The following DDHD1 variants were observed in gnomAD, a reference collection of about 807,000 sequenced individuals.
The protein encoded by DDHD1 is phospholipase DDHD1.
DDHD1 carries 49 observed loss-of-function variants against 96.4 expected under a neutral mutation model. That is an observed-to-expected ratio of 0.51 (90% confidence interval 0.40 to 0.64). DDHD1 has a LOEUF of 0.64. Among genes scored for constraint, DDHD1 ranks in the 30% least tolerant of loss-of-function variants. DDHD1 has a pLI of 0.00. For synonymous variants in DDHD1, 442 were observed against 446.5 expected, an observed-to-expected ratio of 0.99 and a Z score of 0.13; for missense variants, 1,106 against 1,161.2, an observed-to-expected ratio of 0.95 and a Z score of 0.69.
chr14:53,047,644 G>A (rs533450132), intron 12 of DDHD1, among the ~76,000 whole-genome samples: 8 of 152,244 alleles, frequency 5.3e-5, no homozygotes, highest in South Asian at 2.1e-4. Flanking sequence ...ATTCTTGGGA[G>A]GAAGGACTTT....
intron 2 of DDHD1, chr14:53,102,975 A>C: frequency 6.5e-7 from 1 of 1,527,564 alleles, no homozygotes; most frequent in Non-Finnish European, 8.8e-7. Flanking sequence ...ACGGTTTTAG[A>C]AGAAAAACTT....
Position 53,153,233 on chromosome 14 carries a change from A to T in DDHD1, c.-135T>A, listed in dbSNP as rs932356468. The T allele has an allele frequency of 6.5e-6, 5 of 774,618 alleles. No individual in the cohort carries two copies. Among genetic ancestry groups the T allele is most frequent in the Non-Finnish European group, 7.3e-6 (4 of 550,306 alleles). 48.0% of individuals were successfully genotyped at this position (774,618 alleles called of 1,614,324 possible). ...AAATCCCGACCCGAGCTGCGGCGGC[A>T]GCGGCGACCGCTCCGCCCCCACGAG... On this transcript the variant is annotated 5_prime_UTR_variant, in exon 1 of 13. Coordinates refer to ENST00000673822, the MANE Select transcript of DDHD1 (RefSeq NM_001160148.2).
In DDHD1 at chr14:53,133,659, T is replaced by C. The variant is rs182241057; in HGVS notation, c.838+18602A>G. ...TCGGGATGCTACAGGGTACAGCCCA[T>C]TTGAGCTCCTGTATGGACGCTCTTT... On this transcript the variant is annotated intron_variant, in intron 1 of 12. Transcript: ENST00000673822. Among the ~76,000 whole-genome samples the C allele has an allele frequency of 2.6e-5, 4 of 152,304 alleles. No individual in the cohort carries two copies. In the East Asian group the frequency reaches 7.7e-4, roughly 29 times the overall value.
intron 6 of DDHD1, among the ~76,000 whole-genome samples, chr14:53,069,303 T>G (rs1329282658): frequency 3.9e-5 from 6 of 152,192 alleles, no homozygotes; most frequent in Non-Finnish European, 8.8e-5. Flanking sequence ...TATTGGCCAC[T>G]TTAATGGACA....
intron 6 of DDHD1, among the ~76,000 whole-genome samples, chr14:53,070,266 TTTTC>T (rs1352050277): frequency 6.6e-6 from 1 of 152,194 alleles, no homozygotes. Flanking sequence ...TAATTCATTA[TTTTC>T]TTTATGTTCT....
intron 1 of DDHD1, among the ~76,000 whole-genome samples, chr14:53,125,234 ATCTCAAT>A (rs557916819): frequency 6.6e-6 from 1 of 152,320 alleles, no homozygotes; most frequent in Admixed American, 6.5e-5. Context: ...AATTCTTTGC[ATCTCAAT>A]TTGGAGAAGA....
intron 1 of DDHD1, among the ~76,000 whole-genome samples, chr14:53,126,565 A>T (rs187249841): frequency 1.6e-4 from 24 of 152,230 alleles, no homozygotes; most frequent in Non-Finnish European, 3.4e-4. Flanking sequence ...ATGGGGTTTC[A>T]TCATGTTATC....
Position 53,037,821 on chromosome 14 carries a change from G to A in DDHD1, c.*8947C>T, listed in dbSNP as rs1881371345. ...TTTGCCAAGGCTGATGTTGATAAGG[G>A]TATTTCCTAGGTTTTCTTCTAGGAT... On this transcript the variant is annotated 3_prime_UTR_variant, in exon 13 of 13. Transcript: ENST00000673822. 1 of 152,068 alleles carries A rather than the reference G, an allele frequency of 6.6e-6. No homozygotes were observed. The highest frequency in any genetic ancestry group is 2.1e-4 in the South Asian group (1 of 4,830). The allele number at this position is 152,068 out of a possible 1,614,324, so 9.4% of individuals were successfully genotyped here. A position where few individuals can be genotyped will look rare whatever the true frequency, so the allele number is the denominator to read the frequency against.
chr14:53,045,772 AT>A lies in DDHD1; in HGVS notation c.*995del, dbSNP rs939294580. On this transcript the variant is annotated 3_prime_UTR_variant, in exon 13 of 13. Transcript: ENST00000673822. ...CTGACTTACTGTGCCTTGTGTCTCA[AT>A]GGCACATTGAGAAACAATGTGCACT... is the stretch of plus-strand genomic sequence containing the variant. 1.3e-5 allele frequency: 2 copies of A among 152,314 alleles called. No homozygotes were observed. The highest frequency in any genetic ancestry group is 4.8e-5 in the African/African-American group (2 of 41,580). 9.4% of individuals were successfully genotyped at this position (152,314 alleles called of 1,614,324 possible).
intron 2 of DDHD1, among the ~76,000 whole-genome samples, chr14:53,096,482 TAGAA>T (rs2139693063): frequency 6.6e-6 from 1 of 152,184 alleles, no homozygotes; most frequent in Admixed American, 6.5e-5. Context: ...TGTCTTTGCA[TAGAA>T]AGAATTTTTA....
chr14:53,095,267 C>T (rs998611170), intron 2 of DDHD1, among the ~76,000 whole-genome samples: 8 of 152,114 alleles, frequency 5.3e-5, no homozygotes, highest in African/African-American at 1.9e-4. Flanking sequence ...AATATTATCT[C>T]CCATTTTACT....
At chr14:53,124,483 G>T (rs1323139940) in intron 1 of DDHD1, among the ~76,000 whole-genome samples, 1 of 152,050 alleles carries the variant, frequency 6.6e-6, no homozygotes, top group Non-Finnish European at 1.5e-5. Context: ...CAATTATATA[G>T]AATTTTATCT....
At position 53,093,392 on chromosome 14, in the gene DDHD1, A is replaced by G; in HGVS notation, c.1065T>C (p.Asp355=). The change falls in exon 3 of 13, where the codon GAT becomes GAC. Residue 355 remains aspartate, a synonymous_variant. Transcript: ENST00000673822. The part of the protein sequence containing the change: ...SRNHVDWHSV[D]EVYLYSDATT... ...TTGCATCACTATAAAGATATACTTCATCCACACTGTGCCAGTCCACATGGT... is the reference window on the plus strand; with the variant it reads ...TTGCATCACTATAAAGATATACTTCGTCCACACTGTGCCAGTCCACATGGT... 1 of 1,613,214 alleles carries G rather than the reference A, an allele frequency of 6.2e-7. No homozygotes were observed. Among genetic ancestry groups the G allele is most frequent in the Non-Finnish European group, 8.5e-7 (1 of 1,179,704 alleles).
At chr14:53,082,421 G>C (rs528507713) in intron 4 of DDHD1, among the ~76,000 whole-genome samples, 245 of 146,400 alleles carry the variant, frequency 1.7e-3, no homozygotes, top group Middle Eastern at 7.2e-3. Flanking sequence ...AGAAAATCAT[G>C]AACAGTGATC....
In DDHD1 at chr14:53,046,120, G is replaced by A. The variant is rs191717543; in HGVS notation, c.*648C>T. 6.6e-6 allele frequency: 1 copy of A among 152,208 alleles called. No homozygotes were observed. The highest frequency in any genetic ancestry group is 1.5e-5 in the Non-Finnish European group (1 of 67,996). The allele number at this position is 152,208 out of a possible 1,614,324, so 9.4% of individuals were successfully genotyped here. On this transcript the variant is annotated 3_prime_UTR_variant, in exon 13 of 13. Coordinates refer to ENST00000673822, the MANE Select transcript of DDHD1 (RefSeq NM_001160148.2). ...AAAGATGGAGTTCTGAGAAAAAAGGGTTTATCACTATAGAAAATAAATCTG... is the reference window on the plus strand; with the variant it reads ...AAAGATGGAGTTCTGAGAAAAAAGGATTTATCACTATAGAAAATAAATCTG...
intron 1 of DDHD1, among the ~76,000 whole-genome samples, chr14:53,111,020 A>G (rs556233085): frequency 6.6e-6 from 1 of 152,324 alleles, no homozygotes; most frequent in South Asian, 2.1e-4. Context: ...TCCTAATTAC[A>G]ATTGCTAGGA....
At chr14:53,099,323 G>A (rs1475655939) in intron 2 of DDHD1, among the ~76,000 whole-genome samples, 2 of 152,056 alleles carry the variant, frequency 1.3e-5, no homozygotes, top group African/African-American at 2.4e-5. Flanking sequence ...ACTTTATTCA[G>A]GTTTCTCTAG....
chr14:53,046,762 GA>G lies in DDHD1; in HGVS notation c.*5del. 4 of 41,608 alleles carry G rather than the reference GA, an allele frequency of 9.6e-5. No homozygotes were observed. The highest frequency in any genetic ancestry group is 7.3e-4 in the South Asian group (1 of 1,372). The allele number at this position is 41,608 out of a possible 1,614,324, so 2.6% of individuals were successfully genotyped here. A position where few individuals can be genotyped will look rare whatever the true frequency, so the allele number is the denominator to read the frequency against. ...GTTTTAGGCCATTCATGTCCTTCAA[GA>G]GAGTTCAGATTGGATCTAAATTGGG... On this transcript the variant is annotated 3_prime_UTR_variant, in exon 13 of 13. Transcript: ENST00000673822.
chr14:53,141,036 C>T (rs1298596210), intron 1 of DDHD1, among the ~76,000 whole-genome samples: 1 of 152,144 alleles, frequency 6.6e-6, no homozygotes, highest in Non-Finnish European at 1.5e-5. Context: ...TAAATGTATA[C>T]ACATCTAAAA....
Sources: allele counts gnomAD v4.1 joint callset (sites outside exome capture counted in the v4.1 genomes callset), GRCh38; gene constraint gnomAD v4.1.1; transcripts MANE v1.5; gene names NCBI Gene and HGNC (gene_info 2026-07-23, HGNC 2026-07-21).